The following SCAMP5 variants were observed in gnomAD, a reference collection of about 807,000 sequenced individuals.
The protein encoded by SCAMP5 is secretory carrier-associated membrane protein 5.
Under a neutral mutation model 28.3 loss-of-function variants are expected in SCAMP5, and 7 were observed. The observed-to-expected ratio is 0.25, with a 90% CI of 0.14 to 0.46. SCAMP5 has a LOEUF of 0.46. Among genes scored for constraint, SCAMP5 ranks in the 20% least tolerant of loss-of-function variants. The probability of loss-of-function intolerance (pLI) is 0.99; values close to 1 mark genes in which losing one functional copy is unlikely to be tolerated. For synonymous variants in SCAMP5, 117 were observed against 116.4 expected, an observed-to-expected ratio of 1.00 and a Z score of -0.03; for missense variants, 192 against 312.5, an observed-to-expected ratio of 0.61 and a Z score of 2.91.
intron 1 of SCAMP5, among the ~76,000 whole-genome samples, chr15:74,999,553 C>T (rs1045886771): frequency 1.3e-4 from 20 of 152,160 alleles, no homozygotes; most frequent in African/African-American, 4.3e-4. Context: ...GAGATCGCAC[C>T]ACTGCCCTCC....
chr15:75,014,119 C>T (rs1375673642), intron 3 of SCAMP5, among the ~76,000 whole-genome samples: 1 of 152,122 alleles, frequency 6.6e-6, no homozygotes, highest in Non-Finnish European at 1.5e-5. Context: ...GTGACACTGC[C>T]CTGAGTGAGG....
At chr15:74,997,086 T>C (rs753749732) in intron 1 of SCAMP5, 9 of 152,212 alleles carry the variant, frequency 5.9e-5, no homozygotes, top group Non-Finnish European at 1.3e-4. Flanking sequence ...TCTCTAGAGA[T>C]GAAATAATAG....
chr15:75,018,643 A>G lies in SCAMP5; in HGVS notation c.513+108A>G. On this transcript the variant is annotated intron_variant, in intron 6 of 6. Coordinates refer to ENST00000425597, the MANE Select transcript of SCAMP5 (RefSeq NM_138967.4). The surrounding 1 kb of genome is among the most constrained non-coding windows in gnomAD (Gnocchi z 5.6). ...GATCCCGAGGTCTTCCAAGGGACTC[A>G]CTCTGGAATGGCCTGCAGGACTCTC... 7.7e-6 allele frequency: 8 copies of G among 1,043,416 alleles called. No individual in the cohort carries two copies. Among genetic ancestry groups the G allele is most frequent in the Non-Finnish European group, 1.2e-5 (8 of 662,162 alleles). 64.6% of individuals were successfully genotyped at this position (1,043,416 alleles called of 1,614,324 possible).
At chr15:75,011,867 T>G in intron 2 of SCAMP5, 21 bp downstream of exon 2, 1 of 1,609,480 alleles carries the variant, frequency 6.2e-7, no homozygotes, top group Non-Finnish European at 8.5e-7. Context: ...GGGCAGGCTG[T>G]GTGGGTAGGA....
At position 75,019,434 on chromosome 15, in the gene SCAMP5, GTTTCTAC is replaced by G. The variant is rs1441094224; in HGVS notation, c.*456_*462del. ...CTTCCTAGGGTTATGAGCTGGAACT[GTTTCTAC>G]TTTCAGTCTTCCTGGGAAGTAACAG... is the stretch of plus-strand genomic sequence containing the variant. On this transcript the variant is annotated 3_prime_UTR_variant, in exon 7 of 7. Transcript: ENST00000425597. 2 of 141,532 alleles carry G rather than the reference GTTTCTAC, an allele frequency of 1.4e-5. No homozygotes were observed. The highest frequency in any genetic ancestry group is 1.4e-4 in the Admixed American group (2 of 14,140). The allele number at this position is 141,532 out of a possible 1,614,324, so 8.8% of individuals were successfully genotyped here.
intron 1 of SCAMP5, among the ~76,000 whole-genome samples, chr15:75,001,762 C>G (rs145452649): frequency 1.4e-5 from 2 of 147,698 alleles, no homozygotes; most frequent in African/African-American, 2.5e-5. Flanking sequence ...TCCAGCTACT[C>G]GGGATGCTGA....
At chr15:75,011,951 CT>C in intron 2 of SCAMP5, 105 bp downstream of exon 2, 1 of 896,170 alleles carries the variant, frequency 1.1e-6, no homozygotes, top group Non-Finnish European at 1.8e-6. Flanking sequence ...AGGCCAGGTT[CT>C]TTCCATCTTA....
At chr15:75,012,055 T>G (rs1188964765) in intron 2 of SCAMP5, among the ~76,000 whole-genome samples, 1 of 152,244 alleles carries the variant, frequency 6.6e-6, no homozygotes, top group Non-Finnish European at 1.5e-5. Flanking sequence ...TTTGGTCCTA[T>G]GGACCAGGAA....
intron 3 of SCAMP5, among the ~76,000 whole-genome samples, chr15:75,013,738 G>A (rs148136957): frequency 0.017 from 2,611 of 152,244 alleles, 36 homozygotes; most frequent in Middle Eastern, 0.041. Flanking sequence ...TAAGGTGGGA[G>A]GATCACTTGA....
At chr15:75,013,325 G>A (rs183140174) in intron 3 of SCAMP5, among the ~76,000 whole-genome samples, 1 of 152,332 alleles carries the variant, frequency 6.6e-6, no homozygotes, top group South Asian at 2.1e-4. Flanking sequence ...CAAGCAGCAG[G>A]TTCCTCATTT....
intron 1 of SCAMP5, among the ~76,000 whole-genome samples, chr15:75,003,768 C>T (rs551080883): frequency 1.2e-4 from 19 of 152,244 alleles, no homozygotes; most frequent in Admixed American, 2.0e-4. Flanking sequence ...TATGATTGCA[C>T]CGCTGCACTC....
Position 75,006,896 on chromosome 15 carries a change from C to T in SCAMP5, c.-48-4896C>T, listed in dbSNP as rs12904444. On this transcript the variant is annotated intron_variant, in intron 1 of 6. Transcript: ENST00000425597. ...GGCGGAGGTTGCAGTGAGCTGAGATCATGCTGCTGCACTCCAGCCTGGGCA... is the reference window on the plus strand; with the variant it reads ...GGCGGAGGTTGCAGTGAGCTGAGATTATGCTGCTGCACTCCAGCCTGGGCA... Among the ~76,000 whole-genome samples, 1,403 of 152,152 alleles carry T rather than the reference C, an allele frequency of 9.2e-3. 12 individuals carry two copies. The highest frequency in any genetic ancestry group is 0.015 in the Non-Finnish European group (995 of 68,004).
At position 74,995,563 on chromosome 15, in the gene SCAMP5, C is replaced by G. The variant is rs1451005208; in HGVS notation, c.-159C>G. On this transcript the variant is annotated 5_prime_UTR_variant, in exon 1 of 7. Coordinates refer to ENST00000425597, the MANE Select transcript of SCAMP5 (RefSeq NM_138967.4). ...GGGCGCGCGCGCGCGCGCGCGCGCT[C>G]CCCGCCCCCAGCCCCGGAGCGGCTC... The G allele has an allele frequency of 6.8e-6, 1 of 146,830 alleles. No individual in the cohort carries two copies. The highest frequency in any genetic ancestry group is 2.4e-5 in the African/African-American group (1 of 40,822). 9.1% of individuals were successfully genotyped at this position (146,830 alleles called of 1,614,324 possible).
At chr15:75,013,575 T>C (rs1302682275) in intron 3 of SCAMP5, among the ~76,000 whole-genome samples, 2 of 152,092 alleles carry the variant, frequency 1.3e-5, no homozygotes, top group African/African-American at 2.4e-5. Flanking sequence ...TGGCTCACAC[T>C]TGTAGTCCCA....
At chr15:75,005,149 T>C (rs2065744313) in intron 1 of SCAMP5, among the ~76,000 whole-genome samples, 1 of 150,412 alleles carries the variant, frequency 6.6e-6, no homozygotes, top group Non-Finnish European at 1.5e-5. Flanking sequence ...CACTCCAGCC[T>C]GGGTGACAGA....
At chr15:75,016,522 C>T (rs1027043694) in intron 3 of SCAMP5, 71 bp from the exon 4 acceptor site, 125 of 1,440,422 alleles carry the variant, frequency 8.7e-5, no homozygotes, top group Non-Finnish European at 1.1e-4. Flanking sequence ...TGCCCATGTC[C>T]GGGTGCTCAT....
chr15:75,000,584 C>A (rs886466669), intron 1 of SCAMP5, among the ~76,000 whole-genome samples: 3 of 151,926 alleles, frequency 2.0e-5, no homozygotes, highest in African/African-American at 7.3e-5. Flanking sequence ...CGAGGTTTCA[C>A]CGTGTTAGCC....
intron 1 of SCAMP5, among the ~76,000 whole-genome samples, chr15:75,011,016 C>T (rs568102457): frequency 2.0e-5 from 3 of 152,038 alleles, no homozygotes; most frequent in East Asian, 3.9e-4. Context: ...TTAGCCTGGG[C>T]GATATGGCGA....
At chr15:75,009,856 G>A (rs2065795083) in intron 1 of SCAMP5, 1 of 152,156 alleles carries the variant, frequency 6.6e-6, no homozygotes, top group South Asian at 2.1e-4. Context: ...TATGCTTGGA[G>A]AATGTTCACA....
Sources: gnomAD v4.1 joint callset for allele counts (sites outside exome capture counted in the v4.1 genomes callset) on GRCh38, gnomAD v4.1.1 for gene constraint, Gnocchi (gnomAD v3.1) non-coding constraint, MANE v1.5 for transcripts, NCBI Gene and HGNC (gene_info 2026-07-23, HGNC 2026-07-21) for gene names.